The following RBFOX1 variants were observed in gnomAD, a reference collection of about 807,000 sequenced individuals.
The protein encoded by RBFOX1 is RNA binding protein fox-1 homolog 1.
RBFOX1 carries 8 observed loss-of-function variants against 57.7 expected under a neutral mutation model. The ratio of observed to expected loss-of-function variants is 0.14; its 90% CI spans 0.08 to 0.25. RBFOX1 has a LOEUF of 0.25. RBFOX1 is among the 10% of genes least tolerant of loss of function. The probability of loss-of-function intolerance (pLI) is 1.00; values close to 1 mark genes in which losing one functional copy is unlikely to be tolerated. For missense variants in RBFOX1, 611 were observed against 548.5 expected (o/e 1.11, Z -1.14); for synonymous variants, 326 against 222.4 (o/e 1.47, Z -4.15).
chr16:6,657,097 A>ACTCTCCTCTCCTCCCCTCTC (rs2098663272), intron 3 of RBFOX1, among the ~76,000 whole-genome samples: 1 of 38,868 alleles, frequency 2.6e-5, no homozygotes, highest in Non-Finnish European at 4.5e-5. Flanking sequence ...CCTCCCCTTT[A>ACTCTCCTCTCCTCCCCTCTC]CTCTCCTCTC....
intron 1 of RBFOX1, among the ~76,000 whole-genome samples, chr16:6,085,743 C>T: frequency 6.6e-6 from 1 of 152,174 alleles, no homozygotes; most frequent in East Asian, 1.9e-4. Flanking sequence ...ATTCTACCCT[C>T]CCCAAGAGTT....
chr16:6,096,486 G>A (rs944734187), intron 1 of RBFOX1, among the ~76,000 whole-genome samples: 6 of 152,158 alleles, frequency 3.9e-5, no homozygotes, highest in East Asian at 1.9e-4. Flanking sequence ...AGAACTTTGC[G>A]GATAGTTCAT....
chr16:5,694,598 C>T (rs1436629313), intron 3 of RBFOX1, among the ~76,000 whole-genome samples: 1 of 152,080 alleles, frequency 6.6e-6, no homozygotes, highest in African/African-American at 2.4e-5. Flanking sequence ...AAGATCACCA[C>T]TGTGCTAGGG....
At chr16:6,091,615 A>G (rs1187614698) in intron 1 of RBFOX1, among the ~76,000 whole-genome samples, 1 of 152,166 alleles carries the variant, frequency 6.6e-6, no homozygotes, top group Non-Finnish European at 1.5e-5. Flanking sequence ...GGATCACCTG[A>G]GGTCATGAGT....
At position 6,118,786 on chromosome 16, in the gene RBFOX1, T is replaced by C. The variant is rs554985754; in HGVS notation, c.-127+98794T>C. On this transcript the variant is annotated intron_variant, in intron 1 of 15. Transcript: ENST00000550418. Reference sequence around the variant, plus strand: ...CTTTCTCCCTCTCTTTCTCCCTCTCTTTCTCTCTCTCCTTCCTTCCTTCCT... The same window carrying C: ...CTTTCTCCCTCTCTTTCTCCCTCTCCTTCTCTCTCTCCTTCCTTCCTTCCT... Among the ~76,000 whole-genome samples the C allele has an allele frequency of 1.6e-3, 236 of 148,064 alleles. 2 individuals are homozygous for C. The highest frequency in any genetic ancestry group is 5.4e-3 in the African/African-American group (207 of 38,398).
chr16:5,723,867 C>T (rs1179175508), intron 3 of RBFOX1, among the ~76,000 whole-genome samples: 1 of 152,242 alleles, frequency 6.6e-6, no homozygotes, highest in Non-Finnish European at 1.5e-5. Context: ...GTTTTCCTTA[C>T]AGCAAAGTCG....
At chr16:5,760,283 T>C (rs1567504547) in intron 3 of RBFOX1, among the ~76,000 whole-genome samples, 1 of 151,926 alleles carries the variant, frequency 6.6e-6, no homozygotes, top group Non-Finnish European at 1.5e-5. Context: ...GGTAAATTGG[T>C]AAACAAGACA....
chr16:7,192,061 C>G (rs1263287480), intron 4 of RBFOX1, among the ~76,000 whole-genome samples: 1 of 151,958 alleles, frequency 6.6e-6, no homozygotes, highest in Non-Finnish European at 1.5e-5. Flanking sequence ...GATGCCCTGT[C>G]TGTAGAATTC....
intron 3 of RBFOX1, among the ~76,000 whole-genome samples, chr16:5,667,607 C>A (rs1402681812): frequency 6.6e-6 from 1 of 152,126 alleles, no homozygotes; most frequent in Non-Finnish European, 1.5e-5. Flanking sequence ...ATGTATCTTG[C>A]TTGTATATTC....
chr16:5,645,420 G>A (rs967958864), intron 3 of RBFOX1, among the ~76,000 whole-genome samples: 21 of 152,234 alleles, frequency 1.4e-4, no homozygotes, highest in African/African-American at 4.6e-4. Flanking sequence ...AGGAGAGCTG[G>A]GATGAGGTTT....
intron 2 of RBFOX1, among the ~76,000 whole-genome samples, chr16:6,646,930 C>T (rs1216706291): frequency 6.6e-6 from 1 of 152,152 alleles, no homozygotes; most frequent in African/African-American, 2.4e-5. Flanking sequence ...CATGATCCCA[C>T]GTCCTAGGAC....
chr16:5,703,331 C>T (rs2051119644), intron 3 of RBFOX1, among the ~76,000 whole-genome samples: 1 of 152,068 alleles, frequency 6.6e-6, no homozygotes. Context: ...AAGAATTGGC[C>T]ATGCAAAGAG....
intron 1 of RBFOX1, among the ~76,000 whole-genome samples, chr16:5,387,876 T>C (rs1399093645): frequency 6.6e-6 from 1 of 152,306 alleles, no homozygotes; most frequent in East Asian, 1.9e-4. Flanking sequence ...TGAGAGTTCT[T>C]ACATTTGGAA....
At chr16:7,557,301 A>G (rs1406332917) in intron 5 of RBFOX1, among the ~76,000 whole-genome samples, 2 of 152,050 alleles carry the variant, frequency 1.3e-5, no homozygotes, top group African/African-American at 4.8e-5. Context: ...ACCAAAATAC[A>G]ATACCTCCAA....
intron 1 of RBFOX1, among the ~76,000 whole-genome samples, chr16:6,311,190 G>T (rs866233198): frequency 6.6e-6 from 1 of 151,144 alleles, no homozygotes; most frequent in Non-Finnish European, 1.5e-5. Flanking sequence ...CAGCTACTCA[G>T]GTGGCTGAGG....
chr16:7,439,529 A>G lies in RBFOX1; in HGVS notation c.28-78618A>G, dbSNP rs184938709. On this transcript the variant is annotated intron_variant, in intron 4 of 15. Transcript: ENST00000550418. ...TCCCATCTCCAGGCCTTGTAAGTCGATAGGAGATTTGCAAATATCTCCCTT... is the reference window on the plus strand; with the variant it reads ...TCCCATCTCCAGGCCTTGTAAGTCGGTAGGAGATTTGCAAATATCTCCCTT... Among the ~76,000 whole-genome samples the G allele has an allele frequency of 3.3e-5, 5 of 152,340 alleles. No homozygotes were observed. The East Asian group carries it at 7.7e-4, about 24-fold the overall frequency.
intron 4 of RBFOX1, among the ~76,000 whole-genome samples, chr16:7,509,533 C>G (rs2074420512): frequency 6.6e-6 from 1 of 151,920 alleles, no homozygotes; most frequent in African/African-American, 2.4e-5. Flanking sequence ...TAAACAGAAG[C>G]AAAAACTAGT....
intron 2 of RBFOX1, chr16:6,574,029 A>T (rs987714215): frequency 1.3e-5 from 2 of 152,308 alleles, no homozygotes; most frequent in African/African-American, 4.8e-5. Flanking sequence ...TGTCACCCAG[A>T]CAATTTTTCT....
intron 4 of RBFOX1, among the ~76,000 whole-genome samples, chr16:7,163,991 T>C (rs2152406274): frequency 6.6e-6 from 1 of 152,272 alleles, no homozygotes; most frequent in Non-Finnish European, 1.5e-5. Context: ...CAGCAGGTTT[T>C]TGGAGAACAG....
Sources: gnomAD v4.1 joint callset for allele counts (sites outside exome capture counted in the v4.1 genomes callset) on GRCh38, gnomAD v4.1.1 for gene constraint, MANE v1.5 for transcripts, NCBI Gene and HGNC (gene_info 2026-07-23, HGNC 2026-07-21) for gene names.